Variants in GABBR2 observed in about 807,000 individuals in gnomAD.
GABBR2 encodes gamma-aminobutyric acid type B receptor subunit 2, also known as G-protein coupled receptor 51.
Under a neutral mutation model 105.6 loss-of-function variants are expected in GABBR2, and 23 were observed. That is an observed-to-expected ratio of 0.22 (90% CI 0.16 to 0.31). The LOEUF (loss-of-function observed/expected upper bound fraction) is 0.31. Among genes scored for constraint, GABBR2 ranks in the 10% least tolerant of loss-of-function variants. The probability of loss-of-function intolerance (pLI) is 1.00; values close to 1 mark genes in which losing one functional copy is unlikely to be tolerated. For synonymous variants in GABBR2, 478 were observed against 499.7 expected (o/e 0.96, Z 0.58); for missense variants, 734 against 1,245.5 (o/e 0.59, Z 6.18).
intron 1 of GABBR2, among the ~76,000 whole-genome samples, chr9:98,693,631 G>C (rs1830713092): frequency 6.6e-6 from 1 of 152,186 alleles, no homozygotes; most frequent in Non-Finnish European, 1.5e-5. Flanking sequence ...CCTAAGGGGA[G>C]GGGCTTTAGA....
intron 1 of GABBR2, among the ~76,000 whole-genome samples, chr9:98,652,355 A>T (rs1830120246): frequency 6.6e-6 from 1 of 152,134 alleles, no homozygotes. Context: ...ACGGTATTAA[A>T]GTAGTCAACA....
chr9:98,522,486 G>A (rs1490109848), intron 3 of GABBR2, among the ~76,000 whole-genome samples: 5 of 152,036 alleles, frequency 3.3e-5, no homozygotes, highest in African/African-American at 4.8e-5. Context: ...TGGTACAGGC[G>A]ACTAAAAAAC....
chr9:98,705,894 T>C (rs1830885630), intron 1 of GABBR2, among the ~76,000 whole-genome samples: 2 of 151,938 alleles, frequency 1.3e-5, no homozygotes, highest in South Asian at 4.2e-4. Flanking sequence ...CCGACCAACA[T>C]GGAGAAACCC....
intron 1 of GABBR2, among the ~76,000 whole-genome samples, chr9:98,626,964 C>A (rs544705545): frequency 1.3e-5 from 2 of 152,196 alleles, no homozygotes; most frequent in Non-Finnish European, 2.9e-5. Flanking sequence ...TAAGTGAGAA[C>A]ATGAAATGCC....
chr9:98,593,909 A>T (rs573306577), intron 1 of GABBR2, among the ~76,000 whole-genome samples: 1 of 152,148 alleles, frequency 6.6e-6, no homozygotes, highest in South Asian at 2.1e-4. Context: ...TCACTCCCCC[A>T]CCTGACAGAT....
intron 1 of GABBR2, 40 bp downstream of exon 1, chr9:98,708,377 C>T (rs530784180): frequency 2.3e-6 from 3 of 1,328,946 alleles, no homozygotes; most frequent in Non-Finnish European, 2.9e-6. Context: ...CACCCCAATG[C>T]CCCCCGAAGC....
intron 7 of GABBR2, among the ~76,000 whole-genome samples, chr9:98,444,879 G>GCACA (rs34280193): frequency 3.3e-4 from 50 of 151,046 alleles, no homozygotes; most frequent in Non-Finnish European, 4.4e-4. Context: ...GCGCGCGCGC[G>GCACA]CACACACACA....
At chr9:98,417,591 A>C (rs1286368792) in intron 7 of GABBR2, among the ~76,000 whole-genome samples, 3 of 152,204 alleles carry the variant, frequency 2.0e-5, no homozygotes, top group Non-Finnish European at 4.4e-5. Context: ...CCTCATTGAT[A>C]AAATGAGGGG....
chr9:98,395,760 C>T (rs1377780080), intron 8 of GABBR2, among the ~76,000 whole-genome samples: 1 of 151,580 alleles, frequency 6.6e-6, no homozygotes, highest in Admixed American at 6.6e-5. Context: ...ATGGATGAAG[C>T]AGATTTAGGG....
At chr9:98,419,686 G>A (rs972020968) in intron 7 of GABBR2, among the ~76,000 whole-genome samples, 1 of 152,176 alleles carries the variant, frequency 6.6e-6, no homozygotes, top group Non-Finnish European at 1.5e-5. Context: ...ATACAACCCT[G>A]CTCTGCCTGG....
intron 13 of GABBR2, among the ~76,000 whole-genome samples, chr9:98,334,042 A>T (rs538307552): frequency 6.6e-6 from 1 of 152,354 alleles, no homozygotes; most frequent in South Asian, 2.1e-4. Context: ...AGCTGTTGCT[A>T]TGATTATTTT....
intron 12 of GABBR2, among the ~76,000 whole-genome samples, chr9:98,365,461 G>A (rs964343524): frequency 4.6e-5 from 7 of 152,346 alleles, no homozygotes; most frequent in East Asian, 1.9e-4. Flanking sequence ...GGATGGGTGC[G>A]TGGTGGGAAG....
intron 13 of GABBR2, among the ~76,000 whole-genome samples, chr9:98,344,686 TTCCCTGGCTCGTCC>T (rs1171896294): frequency 6.6e-6 from 1 of 152,170 alleles, no homozygotes; most frequent in Non-Finnish European, 1.5e-5. Context: ...AAAATTCTCC[TTCCCTGGCTCGTCC>T]TCCTGTGCGC....
At chr9:98,369,776 A>G (rs1345172945) in intron 12 of GABBR2, among the ~76,000 whole-genome samples, 2 of 151,134 alleles carry the variant, frequency 1.3e-5, no homozygotes, top group Non-Finnish European at 3.0e-5. Flanking sequence ...TGATGCCCAC[A>G]TCAGGATTTG....
chr9:98,438,170 CCTATCCATCCATCCAT>C (rs1353036029), intron 7 of GABBR2, among the ~76,000 whole-genome samples: 12 of 120,006 alleles, frequency 1.0e-4, no homozygotes, highest in South Asian at 3.1e-4. Flanking sequence ...TATCCATCTA[CCTATCCATCCATCCAT>C]CCATCCATCC....
intron 8 of GABBR2, among the ~76,000 whole-genome samples, chr9:98,394,789 G>A (rs1373448918): frequency 6.6e-6 from 1 of 152,120 alleles, no homozygotes; most frequent in African/African-American, 2.4e-5. Context: ...CAGTCTTTCT[G>A]TAGAGTGTAG....
intron 13 of GABBR2, among the ~76,000 whole-genome samples, chr9:98,337,764 G>C (rs74563116): frequency 3.6e-4 from 55 of 152,192 alleles, no homozygotes; most frequent in African/African-American, 1.3e-3. Context: ...GGTGTCCAGG[G>C]GCGGTAGCTC....
chr9:98,687,857 G>A (rs1462594571), intron 1 of GABBR2, among the ~76,000 whole-genome samples: 1 of 152,228 alleles, frequency 6.6e-6, no homozygotes, highest in Non-Finnish European at 1.5e-5. Context: ...CTGTAGGAAG[G>A]AGGGTGAAGG....
rs540759396 is a variant in GABBR2 at position 98,621,728 on chromosome 9, CT to C, written c.322-43657del. 2.6e-5 allele frequency among the ~76,000 whole-genome samples: 4 copies of C among 152,242 alleles called. No homozygotes were observed. The South Asian group carries it at 8.3e-4, about 32-fold the overall frequency. On this transcript the variant is annotated intron_variant, in intron 1 of 18. Transcript: ENST00000259455. Reference sequence around the variant, plus strand: ...GAATCAAAGTCATTTTGAAAAATGGCTTTTTATTTGTCATGATTTTCATTTC... The same window carrying C: ...GAATCAAAGTCATTTTGAAAAATGGCTTTTATTTGTCATGATTTTCATTTC...
Sources: gnomAD v4.1 joint callset for allele counts (sites outside exome capture counted in the v4.1 genomes callset) on GRCh38, gnomAD v4.1.1 for gene constraint, MANE v1.5 for transcripts, NCBI Gene and HGNC (gene_info 2026-07-23, HGNC 2026-07-21) for gene names.